Variants in TEX36 observed in about 807,000 individuals in gnomAD.
TEX36 encodes testis expressed 36, also known as testis-expressed protein 36.
Under a neutral mutation model 13.6 loss-of-function variants are expected in TEX36, and 12 were observed. The observed-to-expected ratio is 0.88, with a 90% CI of 0.56 to 1.43. The LOEUF is 1.43. TEX36 is among the 40% of genes most tolerant of loss of function. The pLI, the probability that TEX36 is intolerant of heterozygous loss-of-function variation, is 0.00. For missense variants in TEX36, 224 were observed against 228.3 expected (o/e 0.98, Z 0.12); for synonymous variants, 93 against 83.0 (o/e 1.12, Z -0.65).
chr10:125,679,776 T>C (rs1447610261), intron 1 of TEX36, among the ~76,000 whole-genome samples: 4 of 152,240 alleles, frequency 2.6e-5, no homozygotes, highest in African/African-American at 9.6e-5. Context: ...CTGTACACTA[T>C]TTTGGTTCTT....
chr10:125,667,367 C>T, intron 1 of TEX36: 2 of 649,370 alleles, frequency 3.1e-6, no homozygotes, highest in Non-Finnish European at 5.9e-6. Context: ...GTCATGGTCC[C>T]CATTAGGGGG....
intron 1 of TEX36, among the ~76,000 whole-genome samples, chr10:125,677,058 G>A (rs986323883): frequency 1.3e-5 from 2 of 152,190 alleles, no homozygotes; most frequent in African/African-American, 4.8e-5. Flanking sequence ...TTTCTGCTGA[G>A]AAACCTATTG....
intron 3 of TEX36, among the ~76,000 whole-genome samples, chr10:125,594,712 A>G (rs1260954975): frequency 6.6e-6 from 1 of 152,244 alleles, no homozygotes; most frequent in Non-Finnish European, 1.5e-5. Flanking sequence ...TGTTTTTGCT[A>G]AACTATTACT....
intron 1 of TEX36, among the ~76,000 whole-genome samples, chr10:125,677,705 A>G (rs1466739252): frequency 2.0e-5 from 3 of 151,866 alleles, no homozygotes; most frequent in African/African-American, 4.8e-5. Flanking sequence ...CTTTTGAGAC[A>G]TAGTCTCACT....
chr10:125,658,932 A>T (rs1846987686), intron 3 of TEX36, among the ~76,000 whole-genome samples: 2 of 152,144 alleles, frequency 1.3e-5, no homozygotes, highest in South Asian at 4.1e-4. Flanking sequence ...CAAGTATGTG[A>T]ACTAAACATT....
chr10:125,612,130 G>T (rs1401999545), intron 3 of TEX36, among the ~76,000 whole-genome samples: 2 of 146,150 alleles, frequency 1.4e-5, no homozygotes, highest in Non-Finnish European at 3.0e-5. Context: ...CTGTCACCCA[G>T]GCTGGAGTGA....
intron 3 of TEX36, among the ~76,000 whole-genome samples, chr10:125,578,874 C>G (rs1845855117): frequency 6.6e-6 from 1 of 152,208 alleles, no homozygotes; most frequent in Non-Finnish European, 1.5e-5. Context: ...TCATTTGCAG[C>G]CCTGCTGATG....
chr10:125,680,330 T>G (rs1045365021), intron 1 of TEX36, among the ~76,000 whole-genome samples: 55 of 152,192 alleles, frequency 3.6e-4, no homozygotes, highest in African/African-American at 1.3e-3. Flanking sequence ...TCATTTGTAT[T>G]CAGCAGGTCT....
downstream of TEX36, among the ~76,000 whole-genome samples, chr10:125,617,443 C>T (rs1227068948): frequency 2.0e-5 from 3 of 151,836 alleles, no homozygotes; most frequent in Non-Finnish European, 2.9e-5. Context: ...CCTTTCCATG[C>T]TTAGCGCTTC....
chr10:125,600,285 G>T (rs1426743498), intron 3 of TEX36, among the ~76,000 whole-genome samples: 1 of 152,166 alleles, frequency 6.6e-6, no homozygotes, highest in Non-Finnish European at 1.5e-5. Context: ...GGCCCAGGGA[G>T]GTTGTGCTGG....
intron 3 of TEX36, among the ~76,000 whole-genome samples, chr10:125,637,934 T>G (rs1413389851): frequency 1.3e-5 from 2 of 151,752 alleles, no homozygotes; most frequent in Admixed American, 6.6e-5. Flanking sequence ...ACCACCCCCC[T>G]GCTGCCGGGC....
chr10:125,621,961 G>A (rs555698875), intron 3 of TEX36, among the ~76,000 whole-genome samples: 108 of 152,214 alleles, frequency 7.1e-4, no homozygotes, highest in Middle Eastern at 3.4e-3. Context: ...CATTGAGGGC[G>A]GGTCTTCCTC....
chr10:125,610,518 G>A lies in TEX36; in HGVS notation c.265-33644C>T, dbSNP rs566111108. On this transcript the variant is annotated intron_variant, in intron 3 of 3. Transcript: ENST00000532135. ...CTTGTGTTTCAAAAGATCTCCTGGCGATGCCCATGCATATTGAAGTTGAAG... is the reference window on the plus strand; with the variant it reads ...CTTGTGTTTCAAAAGATCTCCTGGCAATGCCCATGCATATTGAAGTTGAAG... Among the ~76,000 whole-genome samples, 39 of 151,620 alleles carry A rather than the reference G, an allele frequency of 2.6e-4. 2 individuals carry two copies. Among genetic ancestry groups the A allele is most frequent in the African/African-American group, 8.6e-4 (35 of 40,892 alleles).
chr10:125,672,541 T>C (rs898699648), intron 1 of TEX36, among the ~76,000 whole-genome samples: 2 of 152,230 alleles, frequency 1.3e-5, no homozygotes, highest in African/African-American at 4.8e-5. Flanking sequence ...AGGAGTGTTT[T>C]ACTTCCCATC....
intron 1 of TEX36, among the ~76,000 whole-genome samples, chr10:125,663,952 C>T (rs9422783): frequency 0.28 from 42,421 of 151,956 alleles, 9,331 homozygotes; most frequent in African/African-American, 0.58. Flanking sequence ...TCTTATTCAT[C>T]CTAACTATAT....
At chr10:125,647,337 G>A (rs1846785538) in intron 3 of TEX36, among the ~76,000 whole-genome samples, 1 of 152,036 alleles carries the variant, frequency 6.6e-6, no homozygotes, top group South Asian at 2.1e-4. Context: ...AAATATGCAG[G>A]GCTTTTATAT....
At chr10:125,671,503 C>T (rs1206173687) in intron 1 of TEX36, among the ~76,000 whole-genome samples, 1 of 152,138 alleles carries the variant, frequency 6.6e-6, no homozygotes, top group South Asian at 2.1e-4. Context: ...GGTGGATAAG[C>T]TTTTTGATGT....
intron 1 of TEX36, among the ~76,000 whole-genome samples, chr10:125,679,043 C>A (rs929299851): frequency 2.0e-5 from 3 of 151,872 alleles, no homozygotes; most frequent in Non-Finnish European, 4.4e-5. Context: ...GAACACACAT[C>A]CCTCTCATGC....
intron 3 of TEX36, among the ~76,000 whole-genome samples, chr10:125,610,074 G>A (rs1240033120): frequency 1.3e-5 from 2 of 152,214 alleles, no homozygotes; most frequent in Admixed American, 6.5e-5. Flanking sequence ...CAAATGCCAT[G>A]GCAATAGCTG....
Sources: allele counts gnomAD v4.1 joint callset (sites outside exome capture counted in the v4.1 genomes callset), GRCh38; gene constraint gnomAD v4.1.1; transcripts MANE v1.5; gene names NCBI Gene and HGNC (gene_info 2026-07-23, HGNC 2026-07-21).